CHN1: variants seen among roughly 807,000 people sequenced by gnomAD.
CHN1 encodes N-chimaerin.
A neutral mutation model predicts 59.5 loss-of-function variants in CHN1; 37 were observed. The ratio of observed to expected loss-of-function variants is 0.62; its 90% confidence interval spans 0.48 to 0.82. The LOEUF is 0.82. Among genes scored for constraint, CHN1 ranks in the 40% least tolerant of loss-of-function variants. The probability of loss-of-function intolerance (pLI) is 0.00; values close to 1 mark genes in which losing one functional copy is unlikely to be tolerated. For missense variants in CHN1, 469 were observed against 571.0 expected (o/e 0.82, Z 1.82); for synonymous variants, 206 against 200.4 (o/e 1.03, Z -0.24).
intron 1 of CHN1, among the ~76,000 whole-genome samples, chr2:174,985,844 C>CA (rs1270064198): frequency 6.6e-6 from 1 of 152,080 alleles, no homozygotes; most frequent in Non-Finnish European, 1.5e-5. Context: ...GCTGCATTTC[C>CA]ATAAGTTAAG....
intron 1 of CHN1, among the ~76,000 whole-genome samples, chr2:174,962,551 G>C (rs1055407527): frequency 2.6e-5 from 4 of 151,692 alleles, no homozygotes; most frequent in Non-Finnish European, 4.4e-5. Flanking sequence ...GAATATGACT[G>C]AGAATGAGAA....
At chr2:174,908,588 T>C (rs1007086883) in intron 5 of CHN1, among the ~76,000 whole-genome samples, 1 of 152,176 alleles carries the variant, frequency 6.6e-6, no homozygotes, top group African/African-American at 2.4e-5. Flanking sequence ...TCCGGCACCA[T>C]TTCTTCTTCG....
intron 5 of CHN1, among the ~76,000 whole-genome samples, chr2:174,885,552 T>C (rs1229188142): frequency 6.6e-6 from 1 of 152,088 alleles, no homozygotes; most frequent in Non-Finnish European, 1.5e-5. Context: ...TGGAGTGCAG[T>C]GGCATAATCT....
intron 1 of CHN1, among the ~76,000 whole-genome samples, chr2:174,987,626 G>A (rs1017538581): frequency 1.3e-5 from 2 of 151,934 alleles, no homozygotes; most frequent in African/African-American, 4.8e-5. Flanking sequence ...AGTACAGATG[G>A]GGTTTCACTG....
chr2:174,976,051 G>A (rs1191549635), intron 1 of CHN1, among the ~76,000 whole-genome samples: 4 of 142,312 alleles, frequency 2.8e-5, no homozygotes, highest in African/African-American at 7.8e-5. Context: ...GTGTGAACCC[G>A]GGAGGCGGAG....
chr2:174,943,627 A>G (rs1392756855), intron 3 of CHN1, among the ~76,000 whole-genome samples: 1 of 152,158 alleles, frequency 6.6e-6, no homozygotes, highest in Non-Finnish European at 1.5e-5. Flanking sequence ...TCAGACTCAG[A>G]AAAATCTCAC....
At chr2:174,941,663 A>G (rs752496042) in intron 3 of CHN1, among the ~76,000 whole-genome samples, 2 of 151,408 alleles carry the variant, frequency 1.3e-5, no homozygotes, top group Non-Finnish European at 2.9e-5. Flanking sequence ...TTGATCATCT[A>G]CTCCTTATGA....
chr2:174,848,692 A>G (rs1429593478), intron 6 of CHN1, among the ~76,000 whole-genome samples: 1 of 152,190 alleles, frequency 6.6e-6, no homozygotes. Context: ...ATTAAAAATA[A>G]CAAATGACTG....
Position 175,004,881 on chromosome 2 carries a change from C to A in CHN1, c.19+13G>T. On this transcript the variant is annotated intron_variant, in intron 1 of 12. Transcript: ENST00000409900. ...GCCCACCTGCGGCGGCGCGGGGAGA[C>A]GGCTGCACTTACCAAACAGGGTCAG... 5 of 1,491,562 alleles carry A rather than the reference C, an allele frequency of 3.4e-6. No individual in the cohort carries two copies. The highest frequency in any genetic ancestry group is 3.6e-6 in the Non-Finnish European group (4 of 1,120,432). 92.4% of individuals were successfully genotyped at this position (1,491,562 alleles called of 1,614,324 possible). A position where few individuals can be genotyped will look rare whatever the true frequency, so the allele number is the denominator to read the frequency against.
chr2:174,912,237 C>G (rs778459256), intron 5 of CHN1, among the ~76,000 whole-genome samples: 31 of 152,136 alleles, frequency 2.0e-4, no homozygotes, highest in Non-Finnish European at 3.8e-4. Context: ...ACAATTTTCA[C>G]AGCAGAAAAT....
intron 2 of CHN1, among the ~76,000 whole-genome samples, chr2:174,946,237 A>G (rs191162656): frequency 6.6e-6 from 1 of 152,196 alleles, no homozygotes; most frequent in Admixed American, 6.5e-5. Context: ...CCTAGCACAC[A>G]GTAAATGCTC....
chr2:174,875,612 T>A (rs1006828389), intron 6 of CHN1, among the ~76,000 whole-genome samples: 2 of 152,208 alleles, frequency 1.3e-5, no homozygotes, highest in African/African-American at 4.8e-5. Flanking sequence ...ATTCCAACAC[T>A]AGTATCTTTC....
At chr2:174,900,489 C>T (rs573198865) in intron 5 of CHN1, among the ~76,000 whole-genome samples, 171 of 152,138 alleles carry the variant, frequency 1.1e-3, no homozygotes, top group African/African-American at 4.0e-3. Flanking sequence ...GAGCAAGACC[C>T]TGTCTCATAA....
chr2:174,829,783 T>C (rs1054417332), intron 7 of CHN1, among the ~76,000 whole-genome samples: 1 of 152,244 alleles, frequency 6.6e-6, no homozygotes, highest in Admixed American at 6.5e-5. Context: ...CAGCACAGTG[T>C]TGGGTGATGA....
chr2:174,880,548 G>A (rs1558964865), intron 5 of CHN1, among the ~76,000 whole-genome samples: 1 of 152,182 alleles, frequency 6.6e-6, no homozygotes, highest in Non-Finnish European at 1.5e-5. Context: ...TAAAGGGGGA[G>A]ATTCCAAATC....
At position 174,915,183 on chromosome 2, in the gene CHN1, A is replaced by G. The variant is rs1322418907; in HGVS notation, c.147-12T>C. On this transcript the variant is annotated splice_polypyrimidine_tract_variant and intron_variant, in intron 4 of 12. Transcript: ENST00000409900. ...TCATGCCATGAAACCTAAGAAACAA[A>G]GTCTATTCAGAAACTGTGCTTTCTA... 5.7e-6 allele frequency: 9 copies of G among 1,585,916 alleles called. No individual in the cohort carries two copies. The East Asian group carries it at 1.6e-4, about 28-fold the overall frequency.
Position 174,956,296 on chromosome 2 carries a change from A to G in CHN1, c.20-4094T>C, listed in dbSNP as rs1427229370. 2.0e-5 allele frequency among the ~76,000 whole-genome samples: 3 copies of G among 152,208 alleles called. No individual in the cohort carries two copies. The East Asian group carries it at 5.8e-4, about 29-fold the overall frequency. The stretch of plus-strand genomic sequence containing the variant: ...TAAAGACTTTCTCAGAAAAACAACA[A>G]ATGAGAGAACTCAACACAACAAACC... On this transcript the variant is annotated intron_variant, in intron 1 of 12. Coordinates refer to ENST00000409900, the MANE Select transcript of CHN1 (RefSeq NM_001822.7).
intron 6 of CHN1, among the ~76,000 whole-genome samples, chr2:174,859,275 C>T (rs997392577): frequency 6.6e-5 from 10 of 152,052 alleles, no homozygotes; most frequent in South Asian, 2.1e-4. Context: ...GTAAAACTAA[C>T]GCTCTAGGAA....
rs79695330 is a variant in CHN1 at position 174,975,819 on chromosome 2, T to G, written c.20-23617A>C. 2.6e-3 allele frequency among the ~76,000 whole-genome samples: 389 copies of G among 152,146 alleles called. 1 individual carries two copies. The highest frequency in any genetic ancestry group is 4.3e-3 in the Non-Finnish European group (293 of 67,986). Reference sequence around the variant, plus strand: ...GATGAGACTTCAAAGAATGCTGCCCTTTTGGGATATATATCTTTAAAACAA... The same window carrying G: ...GATGAGACTTCAAAGAATGCTGCCCGTTTGGGATATATATCTTTAAAACAA... On this transcript the variant is annotated intron_variant, in intron 1 of 12. Transcript: ENST00000409900.
Sources: allele counts gnomAD v4.1 joint callset (sites outside exome capture counted in the v4.1 genomes callset), GRCh38; gene constraint gnomAD v4.1.1; transcripts MANE v1.5; gene names NCBI Gene and HGNC (gene_info 2026-07-23, HGNC 2026-07-21).